Variants in OTUD7A observed in about 807,000 individuals in gnomAD.
The protein encoded by OTUD7A is OTU deubiquitinase 7A, also known as OTU domain-containing protein 7A.
In OTUD7A, 12 loss-of-function variants were observed where a neutral mutation model predicts 65.7. The observed-to-expected ratio is 0.18, with a 90% confidence interval of 0.12 to 0.30. The LOEUF is 0.30. Ranked by LOEUF, OTUD7A falls within the 10% of genes least tolerant of loss-of-function variation. The pLI, the probability that OTUD7A is intolerant of heterozygous loss-of-function variation, is 1.00. For synonymous variants in OTUD7A, 641 were observed against 586.3 expected (o/e 1.09, Z -1.35); for missense variants, 1,148 against 1,304.8 (o/e 0.88, Z 1.85).
intron 1 of OTUD7A, among the ~76,000 whole-genome samples, chr15:31,746,386 CAATAG>C (rs980643955): frequency 7.9e-5 from 12 of 151,808 alleles, no homozygotes; most frequent in African/African-American, 2.7e-4. Flanking sequence ...ATGTTCTTTA[CAATAG>C]AATACTTACT....
Position 31,859,528 on chromosome 15 carries a change from T to C in OTUD7A, c.-100+10979A>G, listed in dbSNP as rs913740470. Among the ~76,000 whole-genome samples the C allele has an allele frequency of 7.2e-5, 11 of 152,364 alleles. 1 individual carries two copies. The East Asian group carries it at 2.1e-3, about 29-fold the overall frequency. On this transcript the variant is annotated intron_variant, in intron 1 of 12. Transcript: ENST00000307050. ...TACCAGTTCACCTTGCAGATGTCTT[T>C]CAATTTTCTGCTTTAAGGAGACCAA...
chr15:31,713,546 G>A (rs1024869006), intron 1 of OTUD7A, among the ~76,000 whole-genome samples: 1 of 152,056 alleles, frequency 6.6e-6, no homozygotes, highest in African/African-American at 2.4e-5. Context: ...TTAAACCCAG[G>A]AGGCAGAGGT....
intron 8 of OTUD7A, among the ~76,000 whole-genome samples, chr15:31,515,485 T>C (rs2041831458): frequency 6.6e-6 from 1 of 152,172 alleles, no homozygotes; most frequent in Non-Finnish European, 1.5e-5. Flanking sequence ...GCACTTACTA[T>C]ACACTGGTGC....
Position 31,483,325 on chromosome 15 carries a change from C to T in OTUD7A, c.2771G>A (p.Arg924Gln). ...CCGGGCCCCGCGCGCCTCGCGCCGC[C>T]GCCGCAGCTCCTCGCGGTAGCAGTA... is the stretch of plus-strand genomic sequence containing the variant. Reference protein sequence around the residue: ...CSYCYREELRRRREARGARP With the variant: ...CSYCYREELRQRREARGARP The change falls in exon 13 of 13, where the codon CGG becomes CAG. Residue 924 changes from arginine to glutamine, a missense_variant. By Grantham distance (43) the Arg-to-Gln change is conservative (BLOSUM62 1). This residue lies in a region of OTUD7A where 842 missense variants were observed against 769.5 expected (regional missense o/e 1.09). Transcript: ENST00000307050. 1 of 1,210,184 alleles carries T rather than the reference C, an allele frequency of 8.3e-7. No individual in the cohort carries two copies. Among genetic ancestry groups the T allele is most frequent in the East Asian group, 4.0e-5 (1 of 24,876 alleles). The allele number at this position is 1,210,184 out of a possible 1,614,324, so 75.0% of individuals were successfully genotyped here.
chr15:31,580,583 T>G (rs547611796), intron 3 of OTUD7A, among the ~76,000 whole-genome samples: 134 of 152,290 alleles, frequency 8.8e-4, no homozygotes, highest in Non-Finnish European at 1.2e-3. Flanking sequence ...GAGGTTTAAT[T>G]GACTCACAGT....
chr15:31,579,584 T>G (rs1317950781), intron 3 of OTUD7A, among the ~76,000 whole-genome samples: 1 of 152,052 alleles, frequency 6.6e-6, no homozygotes, highest in Non-Finnish European at 1.5e-5. Flanking sequence ...TTAAAACTTA[T>G]GATTTCTGGA....
chr15:31,817,171 T>C (rs1484506665), intron 1 of OTUD7A, among the ~76,000 whole-genome samples: 1 of 151,916 alleles, frequency 6.6e-6, no homozygotes, highest in African/African-American at 2.4e-5. Context: ...GGTCCAAATA[T>C]TTCAACCGGG....
At chr15:31,748,365 G>C (rs971680425) in intron 1 of OTUD7A, among the ~76,000 whole-genome samples, 14 of 151,206 alleles carry the variant, frequency 9.3e-5, no homozygotes, top group African/African-American at 3.2e-4. Context: ...TCATAAATAT[G>C]CACATGTGCC....
intron 1 of OTUD7A, among the ~76,000 whole-genome samples, chr15:31,860,646 T>TATATATATAG (rs1567059806): frequency 8.8e-6 from 1 of 113,896 alleles, no homozygotes; most frequent in African/African-American, 3.1e-5. Flanking sequence ...TATATATATG[T>TATATATATAG]ATGTATGTGT....
intron 1 of OTUD7A, among the ~76,000 whole-genome samples, chr15:31,693,485 A>C (rs1222581942): frequency 6.6e-6 from 1 of 152,086 alleles, no homozygotes; most frequent in African/African-American, 2.4e-5. Flanking sequence ...TGGGGAGAAC[A>C]GTAGTTTCTA....
At chr15:31,590,515 C>A (rs1227574154) in intron 3 of OTUD7A, among the ~76,000 whole-genome samples, 1 of 152,006 alleles carries the variant, frequency 6.6e-6, no homozygotes, top group Non-Finnish European at 1.5e-5. Flanking sequence ...GATGGAAATA[C>A]CTTACACACA....
chr15:31,510,058 T>C (rs1165684342), intron 8 of OTUD7A, among the ~76,000 whole-genome samples: 3 of 151,770 alleles, frequency 2.0e-5, no homozygotes, highest in Non-Finnish European at 2.9e-5. Flanking sequence ...CGCCTGCATG[T>C]ATGCGCTGCC....
At chr15:31,657,357 C>A (rs1372505040) in intron 1 of OTUD7A, among the ~76,000 whole-genome samples, 3 of 150,586 alleles carry the variant, frequency 2.0e-5, no homozygotes, top group Non-Finnish European at 4.4e-5. Flanking sequence ...TTTCCTTTTC[C>A]TTTTTCTTTT....
At chr15:31,805,014 T>C (rs1021600635) in intron 1 of OTUD7A, among the ~76,000 whole-genome samples, 5 of 152,224 alleles carry the variant, frequency 3.3e-5, no homozygotes, top group Non-Finnish European at 7.3e-5. Context: ...AGAAAGCAGC[T>C]GTGTGCAGAA....
At chr15:31,646,337 A>T (rs1387604499) in intron 3 of OTUD7A, among the ~76,000 whole-genome samples, 1 of 152,202 alleles carries the variant, frequency 6.6e-6, no homozygotes, top group African/African-American at 2.4e-5. Flanking sequence ...ATCCATGCAC[A>T]GACACCAAGA....
intron 1 of OTUD7A, among the ~76,000 whole-genome samples, chr15:31,865,153 C>G (rs573534348): frequency 2.6e-4 from 39 of 152,328 alleles, no homozygotes; most frequent in Middle Eastern, 6.8e-3. Context: ...ATTTAACAGA[C>G]AGTCAAAACA....
At chr15:31,587,559 T>C (rs565723571) in intron 3 of OTUD7A, among the ~76,000 whole-genome samples, 1 of 151,628 alleles carries the variant, frequency 6.6e-6, no homozygotes, top group Admixed American at 6.6e-5. Flanking sequence ...GAGAATTGCT[T>C]GAACCCAGGG....
At chr15:31,629,079 T>G (rs1891057134) in intron 3 of OTUD7A, among the ~76,000 whole-genome samples, 1 of 152,076 alleles carries the variant, frequency 6.6e-6, no homozygotes, top group South Asian at 2.1e-4. Context: ...TTGAATACCC[T>G]TTATTTCCTT....
At chr15:31,824,822 T>C (rs1896761842) in intron 1 of OTUD7A, among the ~76,000 whole-genome samples, 1 of 152,266 alleles carries the variant, frequency 6.6e-6, no homozygotes, top group South Asian at 2.1e-4. Flanking sequence ...TACTAAGCTC[T>C]GTACTTTTAT....
Sources: gnomAD v4.1 joint callset for allele counts (sites outside exome capture counted in the v4.1 genomes callset) on GRCh38, gnomAD v4.1.1 for gene constraint, gnomAD v4.1.1 regional missense constraint, MANE v1.5 for transcripts, NCBI Gene and HGNC (gene_info 2026-07-23, HGNC 2026-07-21) for gene names.